Variants in TENM1 observed in about 807,000 individuals in gnomAD.
TENM1 encodes the protein teneurin-1.
In TENM1, 35 loss-of-function variants were observed where a neutral mutation model predicts 174.8. The ratio of observed to expected loss-of-function variants is 0.20; its 90% CI spans 0.15 to 0.27. The LOEUF is 0.27. TENM1 is among the 10% of genes least tolerant of loss of function. TENM1 has a pLI of 1.00. For missense variants in TENM1, 1,633 were observed against 2,130.1 expected (o/e 0.77, Z 4.59); for synonymous variants, 781 against 798.7 (o/e 0.98, Z 0.37).
chrX:124,389,406 C>A (rs999232682), intron 28 of TENM1, among the ~76,000 whole-genome samples: 1 of 112,125 alleles, frequency 8.9e-6, no homozygotes, highest in African/African-American at 3.2e-5. Flanking sequence ...GAACGAGCCT[C>A]TTTATCCCTG....
chrX:125,062,681 C>G, the TENM1 span, among the ~76,000 whole-genome samples: 1 of 111,807 alleles, frequency 8.9e-6, no homozygotes, highest in Admixed American at 9.5e-5. Flanking sequence ...AAATAAAAGA[C>G]CAGTATTCAT....
chrX:124,655,698 T>G (rs1271498959), intron 6 of TENM1, among the ~76,000 whole-genome samples: 1 of 112,594 alleles, frequency 8.9e-6, no homozygotes, highest in Non-Finnish European at 1.9e-5. Context: ...ATAACTATTT[T>G]AAGAATGTTC....
the TENM1 span, among the ~76,000 whole-genome samples, chrX:125,125,809 G>C: frequency 8.9e-6 from 1 of 111,841 alleles, no homozygotes; most frequent in African/African-American, 3.2e-5. Flanking sequence ...TACATCATAA[G>C]AATCGTTTGA....
At chrX:125,030,500 G>A in the TENM1 span, among the ~76,000 whole-genome samples, 1 of 111,934 alleles carries the variant, frequency 8.9e-6, no homozygotes, top group African/African-American at 3.2e-5. Context: ...TCTATAGTTT[G>A]TTAACTACAT....
chrX:124,686,603 A>G (rs1413781527), intron 5 of TENM1, among the ~76,000 whole-genome samples: 1 of 112,060 alleles, frequency 8.9e-6, no homozygotes. Context: ...CTGTGATGCA[A>G]GGCTGGTTCA....
the TENM1 span, among the ~76,000 whole-genome samples, chrX:125,076,842 C>G: frequency 9.0e-6 from 1 of 110,976 alleles, no homozygotes; most frequent in Admixed American, 9.6e-5. Context: ...GGTATAATAC[C>G]TTTTACTCAA....
chrX:124,809,843 G>GGGGA lies in TENM1; in HGVS notation c.536-72647_536-72646insTCCC, dbSNP rs1556343852. On this transcript the variant is annotated intron_variant, in intron 3 of 31. Transcript: ENST00000422452. Reference sequence around the variant, plus strand: ...GCAAGGCATATCTTACATGACAGCAGGAGAGAGAGAGAGAGAGAGAGAGAG... The same window carrying GGGGA: ...GCAAGGCATATCTTACATGACAGCAGGGGAGAGAGAGAGAGAGAGAGAGAGAGAG... 1.5e-4 allele frequency among the ~76,000 whole-genome samples: 12 copies of GGGGA among 78,674 alleles called. No individual in the cohort carries two copies. In the East Asian group the frequency reaches 4.2e-3, roughly 28 times the overall value. 68.3% of individuals were successfully genotyped at this position (78,674 alleles called of 115,157 possible).
the TENM1 span, among the ~76,000 whole-genome samples, chrX:125,142,933 C>T: frequency 2.7e-5 from 3 of 111,751 alleles, no homozygotes; most frequent in Non-Finnish European, 5.6e-5. Context: ...ATCAGTAATA[C>T]TTGACATGGT....
chrX:124,879,194 C>T (rs188343964), intron 3 of TENM1, among the ~76,000 whole-genome samples: 22 of 111,428 alleles, frequency 2.0e-4, no homozygotes, highest in Non-Finnish European at 1.1e-4. Context: ...TGTAATCATC[C>T]TACTCTGCTA....
chrX:124,782,605 C>A (rs1390161286), intron 3 of TENM1, among the ~76,000 whole-genome samples: 1 of 110,795 alleles, frequency 9.0e-6, no homozygotes, highest in East Asian at 2.8e-4. Context: ...TTTTATCATT[C>A]ATGGACCAAT....
chrX:124,660,011 A>G (rs996660245), intron 6 of TENM1, among the ~76,000 whole-genome samples: 2 of 112,119 alleles, frequency 1.8e-5, no homozygotes, highest in African/African-American at 6.5e-5. Context: ...GTAAGGGCTA[A>G]AGCTGTACAA....
At chrX:124,569,479 A>G (rs2049010827) in intron 11 of TENM1, among the ~76,000 whole-genome samples, 1 of 112,094 alleles carries the variant, frequency 8.9e-6, no homozygotes, top group African/African-American at 3.2e-5. Context: ...ATGTATATAG[A>G]ACATTTACAA....
At chrX:124,436,543 G>C (rs1295057291) in intron 23 of TENM1, among the ~76,000 whole-genome samples, 1 of 108,707 alleles carries the variant, frequency 9.2e-6, no homozygotes, top group African/African-American at 3.4e-5. Flanking sequence ...GCCCAGGCTG[G>C]AGTGCAGTGG....
chrX:124,517,286 C>T (rs1358433904), intron 18 of TENM1, among the ~76,000 whole-genome samples: 1 of 110,608 alleles, frequency 9.0e-6, no homozygotes, highest in Non-Finnish European at 1.9e-5. Context: ...ACACACATAC[C>T]CCTGAACTTA....
the TENM1 span, among the ~76,000 whole-genome samples, chrX:125,067,380 T>C: frequency 9.0e-6 from 1 of 111,024 alleles, no homozygotes; most frequent in Non-Finnish European, 1.9e-5. Flanking sequence ...CTTTACTACA[T>C]TGGAGCTTTC....
chrX:124,950,588 A>T (rs1603289303), intron 1 of TENM1, among the ~76,000 whole-genome samples: 1 of 112,249 alleles, frequency 8.9e-6, no homozygotes, highest in African/African-American at 3.2e-5. Flanking sequence ...AGACTTAAGT[A>T]TAAGTAGAAT....
At chrX:124,664,994 C>A (rs192297644) in intron 6 of TENM1, among the ~76,000 whole-genome samples, 22 of 111,426 alleles carry the variant, frequency 2.0e-4, no homozygotes, top group African/African-American at 6.2e-4. Context: ...TTGTCTATTG[C>A]GCAAGGCAAG....
At chrX:124,460,853 G>T (rs1170504916) in intron 22 of TENM1, among the ~76,000 whole-genome samples, 1 of 111,263 alleles carries the variant, frequency 9.0e-6, no homozygotes, top group Non-Finnish European at 1.9e-5. Flanking sequence ...CTTTACCACA[G>T]GGATGGGGTA....
At chrX:124,410,218 T>C (rs2060517408) in intron 25 of TENM1, among the ~76,000 whole-genome samples, 1 of 111,362 alleles carries the variant, frequency 9.0e-6, no homozygotes, top group Non-Finnish European at 1.9e-5. Flanking sequence ...TAATGCTGCA[T>C]ATCTACAACT....
Sources: gnomAD v4.1 joint callset for allele counts (sites outside exome capture counted in the v4.1 genomes callset) on GRCh38, gnomAD v4.1.1 for gene constraint, MANE v1.5 for transcripts, NCBI Gene and HGNC (gene_info 2026-07-23, HGNC 2026-07-21) for gene names.